The following ZSCAN25 variants were observed in gnomAD, a reference collection of about 807,000 sequenced individuals.
The protein encoded by ZSCAN25 is zinc finger and SCAN domain-containing protein 25.
A neutral mutation model predicts 38.7 loss-of-function variants in ZSCAN25; 27 were observed. The observed-to-expected ratio is 0.70, with a 90% CI of 0.51 to 0.96. The LOEUF is 0.96. ZSCAN25 is among the 40% of genes least tolerant of loss of function. The pLI is 0.00. For missense variants in ZSCAN25, 637 were observed against 705.9 expected, an observed-to-expected ratio of 0.90 and a Z score of 1.11; for synonymous variants, 273 against 277.7, an observed-to-expected ratio of 0.98 and a Z score of 0.17.
chr7:99,645,425 T>C, the ZSCAN25 span, among the ~76,000 whole-genome samples: 1 of 152,244 alleles, frequency 6.6e-6, no homozygotes, highest in Non-Finnish European at 1.5e-5. Flanking sequence ...AGTGAACATA[T>C]GTGTGCATGT....
the ZSCAN25 span, among the ~76,000 whole-genome samples, chr7:99,668,280 AG>A: frequency 6.6e-6 from 1 of 152,212 alleles, no homozygotes. Context: ...AAGTAATAAA[AG>A]CTAAAGAAAT....
At chr7:99,617,480 C>G (rs985511311) in intron 1 of ZSCAN25, among the ~76,000 whole-genome samples, 3 of 152,210 alleles carry the variant, frequency 2.0e-5, no homozygotes, top group Non-Finnish European at 4.4e-5. Flanking sequence ...ACTCGGGAGG[C>G]TGAGGCAGGA....
chr7:99,658,013 C>G, the ZSCAN25 span, among the ~76,000 whole-genome samples: 4 of 152,258 alleles, frequency 2.6e-5, no homozygotes, highest in Admixed American at 1.3e-4. Flanking sequence ...ATACAGCACA[C>G]CGATGGGTCT....
At chr7:99,715,626 ACATAT>A in the ZSCAN25 span, 2 of 1,479,964 alleles carry the variant, frequency 1.4e-6, no homozygotes, top group Admixed American at 1.7e-5. Context: ...TGATGGTCGT[ACATAT>A]CTTCAAATGT....
chr7:99,664,177 T>A, the ZSCAN25 span: 2 of 1,126,006 alleles, frequency 1.8e-6, no homozygotes, highest in Non-Finnish European at 2.6e-6. Context: ...TCTCTACCAG[T>A]AATAAGAATA....
At chr7:99,620,085 G>C in intron 4 of ZSCAN25, 92 bp downstream of exon 4, 3 of 1,447,330 alleles carry the variant, frequency 2.1e-6, no homozygotes, top group Non-Finnish European at 2.7e-6. Context: ...AGGAGTGGAC[G>C]AGGTGTGGAG....
the ZSCAN25 span, among the ~76,000 whole-genome samples, chr7:99,691,509 C>A: frequency 6.6e-6 from 1 of 152,128 alleles, no homozygotes; most frequent in African/African-American, 2.4e-5. Context: ...TAAAGCCTCT[C>A]ATTATTATTG....
the ZSCAN25 span, among the ~76,000 whole-genome samples, chr7:99,709,786 G>GTGTA: frequency 6.6e-6 from 1 of 151,720 alleles, no homozygotes; most frequent in South Asian, 2.1e-4. Context: ...GTGTGTGTGT[G>GTGTA]TGTATATATA....
chr7:99,690,518 A>C, the ZSCAN25 span, among the ~76,000 whole-genome samples: 2 of 152,306 alleles, frequency 1.3e-5, no homozygotes, highest in South Asian at 4.2e-4. Context: ...CAACCTACAG[A>C]ATGGGAGAAA....
chr7:99,706,697 T>C, the ZSCAN25 span, among the ~76,000 whole-genome samples: 1 of 152,248 alleles, frequency 6.6e-6, no homozygotes, highest in Non-Finnish European at 1.5e-5. Context: ...CAGACAGACA[T>C]GCATGTGCAC....
At chr7:99,730,803 G>A in the ZSCAN25 span, 3 of 459,778 alleles carry the variant, frequency 6.5e-6, no homozygotes, top group South Asian at 2.4e-5. Context: ...CACAAAGTCT[G>A]CACATCAAGT....
At chr7:99,647,257 C>T in the ZSCAN25 span, among the ~76,000 whole-genome samples, 3 of 152,188 alleles carry the variant, frequency 2.0e-5, no homozygotes, top group Non-Finnish European at 4.4e-5. Flanking sequence ...GCTGCCCCTC[C>T]ATGTGGATGC....
the ZSCAN25 span, among the ~76,000 whole-genome samples, chr7:99,683,447 A>G: frequency 6.6e-6 from 1 of 152,210 alleles, no homozygotes; most frequent in Admixed American, 6.5e-5. Flanking sequence ...AAGGGTATGA[A>G]TATACATGGA....
the ZSCAN25 span, chr7:99,695,783 G>T: frequency 6.2e-7 from 1 of 1,613,754 alleles, no homozygotes; most frequent in East Asian, 2.2e-5. Context: ...AAAAAGCAGA[G>T]GTGTGGGCCC....
At chr7:99,645,137 A>C in the ZSCAN25 span, among the ~76,000 whole-genome samples, 19 of 152,086 alleles carry the variant, frequency 1.2e-4, no homozygotes, top group African/African-American at 3.9e-4. Context: ...ATTACAGGTG[A>C]GTGCCACCAC....
At chr7:99,660,807 A>T in the ZSCAN25 span, 1 of 928,098 alleles carries the variant, frequency 1.1e-6, no homozygotes, top group Non-Finnish European at 1.6e-6. Flanking sequence ...TCATTCTGAT[A>T]TGTATCTTAT....
the ZSCAN25 span, chr7:99,676,392 C>T: frequency 6.6e-7 from 1 of 1,516,626 alleles, no homozygotes; most frequent in Non-Finnish European, 8.9e-7. Flanking sequence ...TATTCTGAGA[C>T]CCCTGAAAAG....
the ZSCAN25 span, among the ~76,000 whole-genome samples, chr7:99,736,155 G>C: frequency 1.3e-5 from 2 of 152,200 alleles, no homozygotes; most frequent in African/African-American, 4.8e-5. Context: ...AGTTAGACAG[G>C]TTCTTTGCCA....
chr7:99,715,711 T>A, the ZSCAN25 span: 1 of 1,613,000 alleles, frequency 6.2e-7, no homozygotes, highest in South Asian at 1.1e-5. Context: ...AATAAAGCAG[T>A]TATTTTTAAG....
Sources: allele counts gnomAD v4.1 joint callset (sites outside exome capture counted in the v4.1 genomes callset), GRCh38; gene constraint gnomAD v4.1.1; transcripts MANE v1.5; gene names NCBI Gene and HGNC (gene_info 2026-07-23, HGNC 2026-07-21).